DPF3: variants seen among roughly 807,000 people sequenced by gnomAD.
The protein encoded by DPF3 is zinc finger protein DPF3.
Under a neutral mutation model 56.8 loss-of-function variants are expected in DPF3, and 18 were observed. The ratio of observed to expected loss-of-function variants is 0.32; its 90% CI spans 0.22 to 0.47. The LOEUF (loss-of-function observed/expected upper bound fraction) is 0.47. DPF3 is among the 20% of genes least tolerant of loss of function. The pLI, the probability that DPF3 is intolerant of heterozygous loss-of-function variation, is 1.00. For synonymous variants in DPF3, 188 were observed against 180.2 expected (o/e 1.04, Z -0.35); for missense variants, 403 against 488.8 (o/e 0.82, Z 1.65).
intron 1 of DPF3, among the ~76,000 whole-genome samples, chr14:72,880,269 T>C (rs1025486559): frequency 6.6e-6 from 1 of 152,242 alleles, no homozygotes; most frequent in African/African-American, 2.4e-5. Context: ...CAGCCTCCTG[T>C]TCCTGGAGCC....
At chr14:72,745,688 C>T (rs900140807) in intron 3 of DPF3, among the ~76,000 whole-genome samples, 1 of 152,128 alleles carries the variant, frequency 6.6e-6, no homozygotes, top group African/African-American at 2.4e-5. Flanking sequence ...TTGGGAAGGT[C>T]AGCCTCAGTC....
At chr14:72,628,260 A>G (rs1884952550) in intron 9 of DPF3, among the ~76,000 whole-genome samples, 1 of 152,096 alleles carries the variant, frequency 6.6e-6, no homozygotes, top group Non-Finnish European at 1.5e-5. Context: ...TAAGGTACAA[A>G]TACTTTATCA....
chr14:72,808,647 C>T (rs1882897376), intron 1 of DPF3, among the ~76,000 whole-genome samples: 1 of 152,136 alleles, frequency 6.6e-6, no homozygotes, highest in African/African-American at 2.4e-5. Context: ...GCCTGGAAAT[C>T]CAGGCCAACA....
intron 1 of DPF3, chr14:72,879,685 C>A (rs1184019340): frequency 2.9e-5 from 37 of 1,290,054 alleles, no homozygotes; most frequent in Non-Finnish European, 3.5e-5. Flanking sequence ...AGAGGAGCCA[C>A]AAGCAGTTTG....
intron 2 of DPF3, among the ~76,000 whole-genome samples, chr14:72,757,043 G>C (rs1890867900): frequency 8.3e-6 from 1 of 121,162 alleles, no homozygotes; most frequent in Non-Finnish European, 1.7e-5. Flanking sequence ...GAGGGAGAGA[G>C]GGACAGAGGG....
rs1890902555 is a variant in DPF3 at position 72,757,907 on chromosome 14, AAT to A, written c.194-4538_194-4537del. Among the ~76,000 whole-genome samples, 3 of 152,218 alleles carry A rather than the reference AAT, an allele frequency of 2.0e-5. No individual in the cohort carries two copies. In the South Asian group the frequency reaches 6.2e-4, roughly 32 times the overall value. On this transcript the variant is annotated intron_variant, in intron 2 of 10. Transcript: ENST00000556509. ...ATGGGGATACACACATATTCAGACA[AAT>A]ATATGTGTGTGGTGTGTTTGCATGT... is the stretch of plus-strand genomic sequence containing the variant.
chr14:72,668,719 T>C (rs1021566292), intron 8 of DPF3, among the ~76,000 whole-genome samples: 7 of 152,130 alleles, frequency 4.6e-5, no homozygotes, highest in Non-Finnish European at 7.4e-5. Flanking sequence ...CAAATTGTCA[T>C]TGAGAATTCT....
intron 1 of DPF3, chr14:72,892,293 C>G (rs1167621603): frequency 1.3e-6 from 2 of 1,535,454 alleles, no homozygotes; most frequent in African/African-American, 2.7e-5. Flanking sequence ...CGAAAGCAAC[C>G]GGCAGCGAGG....
chr14:72,662,331 A>G (rs981408239), intron 8 of DPF3: 10 of 984,750 alleles, frequency 1.0e-5, no homozygotes, highest in Admixed American at 6.2e-5. Flanking sequence ...ATTTTACATT[A>G]AGTACTCTTA....
rs987922456 is a variant in DPF3 at position 72,616,088 on chromosome 14, C to T, written c.*3209G>A. Among the ~76,000 whole-genome samples, 1 of 152,162 alleles carries T rather than the reference C, an allele frequency of 6.6e-6. No homozygotes were observed. The highest frequency in any genetic ancestry group is 2.4e-5 in the African/African-American group (1 of 41,426). ...GAGTGGGGACCATCATCATGCCAGACCCGGGCCAGGATCTTTACCAATGTC... is the reference window on the plus strand; with the variant it reads ...GAGTGGGGACCATCATCATGCCAGATCCGGGCCAGGATCTTTACCAATGTC... On this transcript the variant is annotated 3_prime_UTR_variant, in exon 11 of 11. Coordinates refer to ENST00000556509, the MANE Select transcript of DPF3 (RefSeq NM_001280542.3).
At chr14:72,803,316 G>A (rs1369036494) in intron 1 of DPF3, among the ~76,000 whole-genome samples, 2 of 152,184 alleles carry the variant, frequency 1.3e-5, no homozygotes, top group Non-Finnish European at 2.9e-5. Flanking sequence ...AGACGCCAAT[G>A]GTTCTTAGTC....
At chr14:72,747,745 T>A (rs1890385948) in intron 3 of DPF3, among the ~76,000 whole-genome samples, 1 of 152,028 alleles carries the variant, frequency 6.6e-6, no homozygotes, top group Non-Finnish European at 1.5e-5. Flanking sequence ...GATCAAATCA[T>A]GGGGGAGGGT....
chr14:72,708,064 G>A (rs892401361), intron 6 of DPF3, among the ~76,000 whole-genome samples: 2 of 152,192 alleles, frequency 1.3e-5, no homozygotes, highest in Admixed American at 6.5e-5. Flanking sequence ...TCAAGAAACA[G>A]TTAGTGGAGA....
At chr14:72,659,368 G>T (rs925853760) in intron 8 of DPF3, among the ~76,000 whole-genome samples, 1 of 151,998 alleles carries the variant, frequency 6.6e-6, no homozygotes, top group African/African-American at 2.4e-5. Flanking sequence ...CCTCCCTCTT[G>T]GTCAGTGACC....
chr14:72,716,065 C>T (rs867158854), intron 5 of DPF3, among the ~76,000 whole-genome samples: 1 of 151,816 alleles, frequency 6.6e-6, no homozygotes, highest in Non-Finnish European at 1.5e-5. Context: ...GCAGCCCTGT[C>T]ACAGCCGCCT....
At chr14:72,875,337 G>A (rs868259578) in intron 1 of DPF3, among the ~76,000 whole-genome samples, 45 of 152,246 alleles carry the variant, frequency 3.0e-4, no homozygotes, top group African/African-American at 1.0e-3. Context: ...AGCCTGGGAG[G>A]TCGAGGCTGC....
rs531319923 is a variant in DPF3 at position 72,669,976 on chromosome 14, G to T, written c.871+4264C>A. On this transcript the variant is annotated intron_variant, in intron 8 of 10. Transcript: ENST00000556509. ...CCTTTTGACTAGGACCTCGCAGCCG[G>T]TCATTCTTGGGACTGTCAGTGAGGT... is the stretch of plus-strand genomic sequence containing the variant. 337 of 985,996 alleles carry T rather than the reference G, an allele frequency of 3.4e-4. 1 individual carries two copies. The highest frequency in any genetic ancestry group is 9.2e-4 in the Admixed American group (15 of 16,296). The allele number at this position is 985,996 out of a possible 1,614,324, so 61.1% of individuals were successfully genotyped here. A position where few individuals can be genotyped will look rare whatever the true frequency, so the allele number is the denominator to read the frequency against.
chr14:72,661,217 C>T (rs1332296954), intron 8 of DPF3: 2 of 985,066 alleles, frequency 2.0e-6, no homozygotes, highest in Non-Finnish European at 2.4e-6. Flanking sequence ...CATTTTCTAC[C>T]AGAAAACGTC....
chr14:72,892,771 G>C (rs1886804605), intron 1 of DPF3: 1 of 893,850 alleles, frequency 1.1e-6, no homozygotes, highest in Non-Finnish European at 1.3e-6. Context: ...GTCCGGGCGG[G>C]GAAGTCCCGG....
Sources: allele counts gnomAD v4.1 joint callset (sites outside exome capture counted in the v4.1 genomes callset), GRCh38; gene constraint gnomAD v4.1.1; transcripts MANE v1.5; gene names NCBI Gene and HGNC (gene_info 2026-07-23, HGNC 2026-07-21).